The following SYT14 variants were observed in gnomAD, a reference collection of about 807,000 sequenced individuals.
The protein encoded by SYT14 is synaptotagmin-14.
Under a neutral mutation model 74.2 loss-of-function variants are expected in SYT14, and 32 were observed. That is an observed-to-expected ratio of 0.43 (90% confidence interval 0.33 to 0.58). The LOEUF (loss-of-function observed/expected upper bound fraction) is 0.58, where lower values mean the gene tolerates loss of function less well. Among genes scored for constraint, SYT14 ranks in the 20% least tolerant of loss-of-function variants. The probability of loss-of-function intolerance (pLI) is 0.05; values close to 1 mark genes in which losing one functional copy is unlikely to be tolerated. For missense variants in SYT14, 791 were observed against 981.8 expected, an observed-to-expected ratio of 0.81 and a Z score of 2.60; for synonymous variants, 298 against 337.7, an observed-to-expected ratio of 0.88 and a Z score of 1.29.
chr1:210,057,882 TG>T (rs1339411533), intron 5 of SYT14, among the ~76,000 whole-genome samples: 2 of 152,294 alleles, frequency 1.3e-5, no homozygotes, highest in East Asian at 3.9e-4. Flanking sequence ...TGTGACTATT[TG>T]GGGGTAAGGA....
chr1:209,979,970 A>C (rs1254578527), intron 2 of SYT14, among the ~76,000 whole-genome samples: 1 of 152,238 alleles, frequency 6.6e-6, no homozygotes, highest in South Asian at 2.1e-4. Context: ...GCATATACCC[A>C]GTAATGGGAG....
At chr1:210,076,436 C>A (rs1470597526) in intron 5 of SYT14, among the ~76,000 whole-genome samples, 2 of 152,156 alleles carry the variant, frequency 1.3e-5, no homozygotes, top group Non-Finnish European at 2.9e-5. Context: ...CAGTCACTCC[C>A]CAGCACCAGC....
At chr1:210,083,037 G>C (rs1369857865) in intron 5 of SYT14, among the ~76,000 whole-genome samples, 1 of 151,772 alleles carries the variant, frequency 6.6e-6, no homozygotes, top group Non-Finnish European at 1.5e-5. Context: ...CTGGAGTGCA[G>C]TGGCATGATC....
At chr1:210,059,417 G>A (rs2081159609) in intron 5 of SYT14, among the ~76,000 whole-genome samples, 1 of 97,334 alleles carries the variant, frequency 1.0e-5, no homozygotes, top group Admixed American at 1.1e-4. Flanking sequence ...TATGCATGAT[G>A]ACAAGAAAGA....
Position 210,084,496 on chromosome 1 carries a change from ACT to A in SYT14, c.1313-9822_1313-9821del, listed in dbSNP as rs541546128. 4.5e-3 allele frequency among the ~76,000 whole-genome samples: 688 copies of A among 152,002 alleles called. 4 individuals carry two copies. Among genetic ancestry groups the A allele is most frequent in the Middle Eastern group, 0.01 (3 of 294 alleles). On this transcript the variant is annotated intron_variant, in intron 5 of 9. Transcript: ENST00000637265. ...AGGCACTTCATCTCTCAACTCTTCT[ACT>A]CTCCTGGTCATAATAGCTTGCTGTC...
intron 2 of SYT14, among the ~76,000 whole-genome samples, chr1:210,012,639 A>G (rs1009578428): frequency 1.3e-5 from 2 of 152,044 alleles, no homozygotes; most frequent in African/African-American, 4.8e-5. Flanking sequence ...AAATAATGAT[A>G]TGTGTTCTCA....
exon 10 of SYT14, chr1:210,166,900 A>G (rs2083461703): frequency 6.6e-6 from 1 of 152,176 alleles, no homozygotes; most frequent in African/African-American, 2.4e-5. Flanking sequence ...GATTAATGTT[A>G]TTCATCTTTT....
intron 5 of SYT14, among the ~76,000 whole-genome samples, chr1:210,027,340 A>G (rs2080435494): frequency 6.6e-6 from 1 of 151,918 alleles, no homozygotes; most frequent in African/African-American, 2.4e-5. Context: ...ACTTAAGCCC[A>G]GGAGTTTGAG....
intron 2 of SYT14, among the ~76,000 whole-genome samples, chr1:209,966,787 C>T (rs1434295441): frequency 1.3e-5 from 2 of 152,168 alleles, no homozygotes; most frequent in African/African-American, 2.4e-5. Context: ...AGTTTTACTT[C>T]TTCCTTTCCA....
rs10581140 is a variant in SYT14, at chr1:209,990,598, TAA to T, written c.-485-23033_-485-23032del. On this transcript the variant is annotated intron_variant, in intron 2 of 9. Coordinates refer to ENST00000637265, the Ensembl canonical transcript of SYT14. ...ATGTATATTTCTTGTTTTAATGAAA[TAA>T]AGTGTGTTGCTTTTTCTTATCATAT... Among the ~76,000 whole-genome samples, 5,599 of 143,474 alleles carry T rather than the reference TAA, an allele frequency of 0.039. 798 individuals carry two copies. The East Asian group carries it at 0.4, about 10-fold the overall frequency. 94.1% of individuals were successfully genotyped at this position (143,474 alleles called of 152,430 possible).
At chr1:210,078,376 G>A (rs1485258396) in intron 5 of SYT14, among the ~76,000 whole-genome samples, 1 of 151,260 alleles carries the variant, frequency 6.6e-6, no homozygotes, top group Admixed American at 6.6e-5. Flanking sequence ...GCCTGACAGG[G>A]TTGGTACAGT....
exon 5 of SYT14, chr1:210,021,131 C>T: frequency 6.2e-7 from 1 of 1,613,968 alleles, no homozygotes; most frequent in South Asian, 1.1e-5. Flanking sequence ...ATCCAGAACA[C>T]ACAATTCCAG....
chr1:210,161,976 A>T (rs1301896826), exon 10 of SYT14: 3 of 453,686 alleles, frequency 6.6e-6, no homozygotes, highest in Non-Finnish European at 1.3e-5. Flanking sequence ...AAAACAATTC[A>T]ATTTTAATTT....
At chr1:210,006,294 T>G (rs558563533) in intron 2 of SYT14, among the ~76,000 whole-genome samples, 2 of 152,012 alleles carry the variant, frequency 1.3e-5, no homozygotes, top group East Asian at 3.9e-4. Context: ...ATACGAAAAT[T>G]TGAGGGAAAT....
chr1:210,027,113 T>C (rs1257498306), intron 5 of SYT14, among the ~76,000 whole-genome samples: 1 of 152,156 alleles, frequency 6.6e-6, no homozygotes, highest in African/African-American at 2.4e-5. Context: ...TAATATTAAG[T>C]CAATTAATGC....
intron 5 of SYT14, among the ~76,000 whole-genome samples, chr1:210,059,451 T>TATATATATATATATATATAGAGAG (rs377050610): frequency 5.7e-5 from 4 of 69,892 alleles, no homozygotes; most frequent in East Asian, 4.3e-4. Context: ...TATATATATA[T>TATATATATATATATATATAGAGAG]AGAGAGAGAG....
chr1:209,945,725 A>G (rs2078812177), intron 1 of SYT14, among the ~76,000 whole-genome samples: 1 of 152,204 alleles, frequency 6.6e-6, no homozygotes, highest in Non-Finnish European at 1.5e-5. Flanking sequence ...TAAACATGGT[A>G]GACAAAAAAA....
chr1:210,088,363 T>C (rs846545), intron 5 of SYT14, among the ~76,000 whole-genome samples: 85,564 of 151,692 alleles, frequency 0.56, 26,241 homozygotes, highest in African/African-American at 0.8. Flanking sequence ...TCCCACTTGC[T>C]GACAGGCCGT....
chr1:210,107,020 A>G (rs963110906), intron 7 of SYT14, among the ~76,000 whole-genome samples: 3 of 152,202 alleles, frequency 2.0e-5, no homozygotes, highest in African/African-American at 7.2e-5. Context: ...AGTGGGAGAA[A>G]TTGGCCAAAA....
Sources: gnomAD v4.1 joint callset for allele counts (sites outside exome capture counted in the v4.1 genomes callset) on GRCh38, gnomAD v4.1.1 for gene constraint, MANE v1.5 for transcripts, NCBI Gene and HGNC (gene_info 2026-07-23, HGNC 2026-07-21) for gene names.